Variants in SHB observed in about 807,000 individuals in gnomAD.
SHB encodes SH2 domain containing adaptor protein B.
In SHB, 20 loss-of-function variants were observed where a neutral mutation model predicts 52.3. The observed-to-expected ratio is 0.38, with a 90% CI of 0.27 to 0.56. The LOEUF (loss-of-function observed/expected upper bound fraction) is 0.56. Among genes scored for constraint, SHB ranks in the 20% least tolerant of loss-of-function variants. The probability of loss-of-function intolerance (pLI) is 0.71; values close to 1 mark genes in which losing one functional copy is unlikely to be tolerated. For synonymous variants in SHB, 397 were observed against 316.5 expected, an observed-to-expected ratio of 1.25 and a Z score of -2.70; for missense variants, 825 against 723.3, an observed-to-expected ratio of 1.14 and a Z score of -1.61.
chr9:38,040,480 C>T (rs1359786936), intron 1 of SHB, among the ~76,000 whole-genome samples: 3 of 152,228 alleles, frequency 2.0e-5, no homozygotes, highest in Admixed American at 2.0e-4. Context: ...GGCACAGGGT[C>T]AGCCAGAGCT....
chr9:38,061,188 T>C (rs1821887506), intron 1 of SHB, among the ~76,000 whole-genome samples: 1 of 151,676 alleles, frequency 6.6e-6, no homozygotes, highest in Admixed American at 6.6e-5. Context: ...GGCGTGTGAC[T>C]ATAGTCCCAG....
intron 3 of SHB, among the ~76,000 whole-genome samples, chr9:37,968,314 G>T (rs1820553608): frequency 6.6e-6 from 1 of 152,162 alleles, no homozygotes; most frequent in Non-Finnish European, 1.5e-5. Flanking sequence ...AAGGCTCAGG[G>T]AGACTGAACA....
intron 1 of SHB, among the ~76,000 whole-genome samples, chr9:38,031,401 T>C (rs936613523): frequency 2.6e-5 from 4 of 152,068 alleles, no homozygotes; most frequent in African/African-American, 9.7e-5. Flanking sequence ...AAAAGGAAAT[T>C]GAGAATAAAG....
At chr9:37,921,422 G>A (rs146524634) in intron 5 of SHB, among the ~76,000 whole-genome samples, 94 of 152,282 alleles carry the variant, frequency 6.2e-4, no homozygotes, top group African/African-American at 2.0e-3. Flanking sequence ...ACCTTAATTT[G>A]GGCTCCAGGA....
intron 1 of SHB, among the ~76,000 whole-genome samples, chr9:38,065,648 T>C (rs1455552930): frequency 1.3e-5 from 2 of 152,144 alleles, no homozygotes; most frequent in Non-Finnish European, 2.9e-5. Flanking sequence ...TCTGGACAAC[T>C]TCTCAAAAGA....
intron 5 of SHB, among the ~76,000 whole-genome samples, chr9:37,937,171 T>C (rs959996076): frequency 9.2e-5 from 14 of 152,272 alleles, no homozygotes; most frequent in Middle Eastern, 3.4e-3. Flanking sequence ...GAGGCTGACA[T>C]GTCTTTGTCT....
intron 2 of SHB, among the ~76,000 whole-genome samples, chr9:37,996,732 C>T (rs998728068): frequency 6.6e-6 from 1 of 152,176 alleles, no homozygotes; most frequent in Non-Finnish European, 1.5e-5. Flanking sequence ...GCCTAGATCT[C>T]CCCTCCTTCT....
chr9:38,057,416 CTTA>C (rs1273804548), intron 1 of SHB, among the ~76,000 whole-genome samples: 16 of 152,120 alleles, frequency 1.1e-4, no homozygotes, highest in Non-Finnish European at 2.1e-4. Flanking sequence ...GTTTTGCTTA[CTTA>C]TTATTTTCTA....
chr9:38,025,410 C>A (rs1821329453), intron 1 of SHB, among the ~76,000 whole-genome samples: 1 of 152,162 alleles, frequency 6.6e-6, no homozygotes, highest in Non-Finnish European at 1.5e-5. Context: ...GGGCCTGAGG[C>A]GACACTTACC....
intron 5 of SHB, among the ~76,000 whole-genome samples, chr9:37,922,547 C>T (rs994774314): frequency 1.3e-5 from 2 of 152,200 alleles, no homozygotes; most frequent in African/African-American, 2.4e-5. Context: ...TCACCCCCAA[C>T]ACACTCCTAT....
At chr9:38,062,794 G>A (rs1821910949) in intron 1 of SHB, among the ~76,000 whole-genome samples, 1 of 152,184 alleles carries the variant, frequency 6.6e-6, no homozygotes, top group Non-Finnish European at 1.5e-5. Flanking sequence ...AGAGCGCACA[G>A]GCCAGCTGCC....
intron 5 of SHB, among the ~76,000 whole-genome samples, chr9:37,934,682 C>T (rs965642434): frequency 6.6e-6 from 1 of 152,254 alleles, no homozygotes; most frequent in Non-Finnish European, 1.5e-5. Context: ...TCAAAGGTCA[C>T]TGTCAGCTCT....
At chr9:37,934,931 A>AT (rs1208896501) in intron 5 of SHB, among the ~76,000 whole-genome samples, 1 of 152,236 alleles carries the variant, frequency 6.6e-6, no homozygotes, top group Non-Finnish European at 1.5e-5. Context: ...TCTGCAAGTA[A>AT]TTGAGTTCCA....
intron 3 of SHB, among the ~76,000 whole-genome samples, chr9:37,961,243 C>G (rs1832689246): frequency 6.6e-6 from 1 of 152,324 alleles, no homozygotes; most frequent in Non-Finnish European, 1.5e-5. Flanking sequence ...GCTGTGGGTG[C>G]TGCGCCTGGG....
intron 1 of SHB, among the ~76,000 whole-genome samples, chr9:38,034,908 G>A (rs944505891): frequency 6.6e-6 from 1 of 152,182 alleles, no homozygotes; most frequent in Non-Finnish European, 1.5e-5. Flanking sequence ...TGTTGGTCAG[G>A]CTGGTCTAGA....
chr9:37,926,425 C>T (rs750141983), intron 5 of SHB, among the ~76,000 whole-genome samples: 3 of 152,224 alleles, frequency 2.0e-5, no homozygotes, highest in Non-Finnish European at 4.4e-5. Context: ...ATCTTACCGA[C>T]TGTGGCCATG....
At position 37,917,009 on chromosome 9, in the gene SHB, T is replaced by C. The variant is rs531111583; in HGVS notation, c.*2812A>G. The stretch of plus-strand genomic sequence containing the variant: ...TTTCTCTCAAAGAAATCCAGCTCAA[T>C]TTTTTCCCCAATTAATTGGCAGCAG... On this transcript the variant is annotated 3_prime_UTR_variant, in exon 6 of 6. Coordinates refer to ENST00000377707, the MANE Select transcript of SHB (RefSeq NM_003028.3). Among the ~76,000 whole-genome samples, 6 of 151,488 alleles carry C rather than the reference T, an allele frequency of 4.0e-5. No individual in the cohort carries two copies. In the South Asian group the frequency reaches 1.3e-3, roughly 32 times the overall value.
At chr9:37,978,162 A>G (rs1240505811) in intron 2 of SHB, among the ~76,000 whole-genome samples, 6 of 152,256 alleles carry the variant, frequency 3.9e-5, no homozygotes. Flanking sequence ...AACAATATGC[A>G]TTAGAGACAG....
At chr9:38,020,887 C>A (rs1299885035) in intron 1 of SHB, among the ~76,000 whole-genome samples, 1 of 152,210 alleles carries the variant, frequency 6.6e-6, no homozygotes, top group Non-Finnish European at 1.5e-5. Context: ...TGTTTGAAAC[C>A]CACAGCAGCT....
Sources: gnomAD v4.1 joint callset for allele counts (sites outside exome capture counted in the v4.1 genomes callset) on GRCh38, gnomAD v4.1.1 for gene constraint, MANE v1.5 for transcripts, NCBI Gene and HGNC (gene_info 2026-07-23, HGNC 2026-07-21) for gene names.